Variants in CCDC9B observed in about 807,000 individuals in gnomAD.
CCDC9B encodes coiled-coil domain-containing protein 9B.
A neutral mutation model predicts 47.2 loss-of-function variants in CCDC9B; 40 were observed. That is an observed-to-expected ratio of 0.85 (90% CI 0.66 to 1.10). The LOEUF (loss-of-function observed/expected upper bound fraction) is 1.10, where lower values mean the gene tolerates loss of function less well. Among genes scored for constraint, CCDC9B ranks in the 50% least tolerant of loss-of-function variants. The pLI is 0.00. For synonymous variants in CCDC9B, 238 were observed against 250.7 expected, an observed-to-expected ratio of 0.95 and a Z score of 0.48; for missense variants, 662 against 651.0, an observed-to-expected ratio of 1.02 and a Z score of -0.18.
intron 1 of CCDC9B, chr15:40,340,486 C>A: frequency 4.7e-6 from 2 of 426,990 alleles, no homozygotes; most frequent in Non-Finnish European, 8.4e-6. Flanking sequence ...GGACCCCGCA[C>A]CTAGGCCTGT....
intron 9 of CCDC9B, 25 bp downstream of exon 9, chr15:40,336,549 G>T: frequency 6.2e-7 from 1 of 1,608,088 alleles, no homozygotes; most frequent in Non-Finnish European, 8.5e-7. Flanking sequence ...TGCCCGTCTT[G>T]ATTTTGTCCC....
intron 9 of CCDC9B, 152 bp from the exon 10 acceptor site, chr15:40,335,978 A>G: frequency 6.7e-7 from 1 of 1,490,110 alleles, no homozygotes; most frequent in Non-Finnish European, 8.9e-7. Context: ...GCAGTGGAGA[A>G]ATCCCAGGGG....
rs1279706553 is a variant in CCDC9B at position 40,333,527 on chromosome 15, A to G, written c.*1631T>C. ...GGCTGCAGTGAGCCATGATTGTGCC[A>G]CTGCACTCCAGCCTAGGTGATAACA... On this transcript the variant is annotated 3_prime_UTR_variant, in exon 11 of 11. Transcript: ENST00000397536. 7.1e-6 allele frequency: 1 copy of G among 141,504 alleles called. No individual in the cohort carries two copies. Among genetic ancestry groups the G allele is most frequent in the East Asian group, 2.3e-4 (1 of 4,354 alleles). The allele number at this position is 141,504 out of a possible 1,614,324, so 8.8% of individuals were successfully genotyped here.
In CCDC9B at chr15:40,336,955, G is replaced by A. The variant is rs144651579; in HGVS notation, c.743-142C>T. ...TCCCCAAAAGCGCCCTCGCCTGGGG[G>A]TCAGGAGAATAGGGTCCTGTGCTAG... On this transcript the variant is annotated intron_variant, in intron 7 of 10. Coordinates refer to ENST00000397536, the MANE Select transcript of CCDC9B (RefSeq NM_207380.3). 214 of 738,978 alleles carry A rather than the reference G, an allele frequency of 2.9e-4. No homozygotes were observed. The East Asian group carries it at 5.4e-3, about 19-fold the overall frequency. 45.8% of individuals were successfully genotyped at this position (738,978 alleles called of 1,614,324 possible). A position where few individuals can be genotyped will look rare whatever the true frequency, so the allele number is the denominator to read the frequency against.
rs1889007625 is a variant in CCDC9B, at chr15:40,338,160, G to A, written c.514-267C>T. 19 of 720,492 alleles carry A rather than the reference G, an allele frequency of 2.6e-5. No individual in the cohort carries two copies. The South Asian group carries it at 2.8e-4, about 11-fold the overall frequency. 44.6% of individuals were successfully genotyped at this position (720,492 alleles called of 1,614,324 possible). A position where few individuals can be genotyped will look rare whatever the true frequency, so the allele number is the denominator to read the frequency against. On this transcript the variant is annotated intron_variant, in intron 5 of 10. Transcript: ENST00000397536. ...ACCCACAGGGGTGTTGCAGGGGTAT[G>A]CAGACGGGCCGGAGTGGGAGGGGCC...
In CCDC9B at chr15:40,335,316, C is replaced by T; in HGVS notation, c.1315G>A (p.Gly439Arg). ...QTCPEPQRGA[G>R]LPEPGEDRSG... ...CTGTCTTCTCCGGGCTCTGGGAGCC[C>T]TGCTCCTCTCTGTGGCTCAGGGCAA... The change falls in exon 11 of 11, where the codon GGG becomes AGG. Residue 439 changes from glycine to arginine, a missense_variant. Transcript: ENST00000397536. The T allele has an allele frequency of 6.2e-7, 1 of 1,613,630 alleles. No individual in the cohort carries two copies. The highest frequency in any genetic ancestry group is 8.5e-7 in the Non-Finnish European group (1 of 1,179,862).
In CCDC9B at chr15:40,337,420, C is replaced by G; in HGVS notation, c.710G>C (p.Gly237Ala). 1 of 1,602,124 alleles carries G rather than the reference C, an allele frequency of 6.2e-7. No individual in the cohort carries two copies. Among genetic ancestry groups the G allele is most frequent in the Non-Finnish European group, 8.5e-7 (1 of 1,174,200 alleles). ...GCTGCCTGCCCTGGCCGGGCCTTCT[C>G]CCCTCAGCTGGCTGCAGTCCTGTAG... ...STLQDCSQLR[G>A]EGPARAGSRR... The change falls in exon 7 of 11, where the codon GGA becomes GCA. Residue 237 changes from glycine to alanine, a missense_variant. By Grantham distance (60) the Gly-to-Ala change is moderately conservative. Coordinates refer to ENST00000397536, the MANE Select transcript of CCDC9B (RefSeq NM_207380.3).
intron 5 of CCDC9B, chr15:40,338,203 G>C: frequency 1.4e-6 from 1 of 710,174 alleles, no homozygotes; most frequent in Non-Finnish European, 2.6e-6. Context: ...CTGTGAGCAA[G>C]GGCAAGGACT....
chr15:40,332,602 T>G lies in CCDC9B; in HGVS notation c.*2556A>C, dbSNP rs1888880181. ...CTCTGCCTGCTTCCTACATCCTCAT[T>G]CCAGGGTCAGACGAGCCTGGCATAT... On this transcript the variant is annotated 3_prime_UTR_variant, in exon 11 of 11. Transcript: ENST00000397536. The G allele has an allele frequency of 6.6e-6, 1 of 152,256 alleles. No individual in the cohort carries two copies. The highest frequency in any genetic ancestry group is 6.5e-5 in the Admixed American group (1 of 15,278). 9.4% of individuals were successfully genotyped at this position (152,256 alleles called of 1,614,324 possible). A position where few individuals can be genotyped will look rare whatever the true frequency, so the allele number is the denominator to read the frequency against.
Position 40,338,051 on chromosome 15 carries a change from G to C in CCDC9B, c.514-158C>G, listed in dbSNP as rs763089194. ...CCGTGGAAATGGTTTCCATCCACTTGTTAGCTGTGTGTTTTACATAAGTAA... is the reference window on the plus strand; with the variant it reads ...CCGTGGAAATGGTTTCCATCCACTTCTTAGCTGTGTGTTTTACATAAGTAA... On this transcript the variant is annotated intron_variant, in intron 5 of 10. Coordinates refer to ENST00000397536, the MANE Select transcript of CCDC9B (RefSeq NM_207380.3). 2.1e-5 allele frequency: 16 copies of C among 765,166 alleles called. 1 individual carries two copies. The South Asian group carries it at 2.2e-4, about 10-fold the overall frequency. 47.4% of individuals were successfully genotyped at this position (765,166 alleles called of 1,614,324 possible).
intron 8 of CCDC9B, 46 bp from the exon 9 acceptor site, chr15:40,336,710 G>C (rs746074054): frequency 1.2e-6 from 2 of 1,601,780 alleles, no homozygotes; most frequent in Admixed American, 1.7e-5. Flanking sequence ...CATAGCAGCC[G>C]GCTCCATCTT....
At position 40,335,772 on chromosome 15, in the gene CCDC9B, C is replaced by T. The variant is rs1266248771; in HGVS notation, c.930+12G>A. On this transcript the variant is annotated intron_variant, in intron 10 of 10. Transcript: ENST00000397536. Reference sequence around the variant, plus strand: ...GTCCCCAGCCTGCCCCATCCTATACCCAAGTACCTACCTCCTGACCTTCCA... The same window carrying T: ...GTCCCCAGCCTGCCCCATCCTATACTCAAGTACCTACCTCCTGACCTTCCA... 1.2e-6 allele frequency: 2 copies of T among 1,609,858 alleles called. No homozygotes were observed. Among genetic ancestry groups the T allele is most frequent in the Admixed American group, 1.7e-5 (1 of 59,434 alleles).
At chr15:40,340,660 G>C (rs891135708) in intron 1 of CCDC9B, 148 bp downstream of exon 1, 5 of 711,802 alleles carry the variant, frequency 7.0e-6, no homozygotes, top group African/African-American at 1.8e-5. Flanking sequence ...CTCTCTGTCT[G>C]GATGCAGGTT....
intron 3 of CCDC9B, 183 bp downstream of exon 3, chr15:40,339,329 G>A (rs966352950): frequency 4.8e-6 from 3 of 626,414 alleles, no homozygotes; most frequent in South Asian, 1.9e-5. Flanking sequence ...CTGGGGGTAG[G>A]GGGGCTTTCA....
rs1294207994 is a variant in CCDC9B at position 40,335,372 on chromosome 15, C to A, written c.1259G>T (p.Ser420Ile). 1 of 1,613,364 alleles carries A rather than the reference C, an allele frequency of 6.2e-7. No individual in the cohort carries two copies. Among genetic ancestry groups the A allele is most frequent in the South Asian group, 1.1e-5 (1 of 91,090 alleles). Residue 420 changes from serine (S) to isoleucine (I), a missense_variant, in exon 11 of 11, where the codon AGC (serine) becomes ATC (isoleucine). Transcript: ENST00000397536. ...EGSKQQPLGW[S>I]NHQAELEVQT... Reference sequence around the variant, plus strand: ...TACTTCCAGCTCAGCCTGGTGATTGCTCCACCCCAGGGGCTGCTGCTTAGA... The same window carrying A: ...TACTTCCAGCTCAGCCTGGTGATTGATCCACCCCAGGGGCTGCTGCTTAGA...
rs954508990 is a variant in CCDC9B, at chr15:40,338,852, C to T, written c.283G>A (p.Val95Met). The T allele has an allele frequency of 1.2e-6, 2 of 1,614,224 alleles. No homozygotes were observed. Among genetic ancestry groups the T allele is most frequent in the Non-Finnish European group, 8.5e-7 (1 of 1,180,024 alleles). The change falls in exon 4 of 11, where the codon GTG (valine) becomes ATG (methionine). Residue 95 changes from valine to methionine, a missense_variant. Val to Met is a conservative substitution (Grantham distance 21). Coordinates refer to ENST00000397536, the MANE Select transcript of CCDC9B (RefSeq NM_207380.3). The stretch of plus-strand genomic sequence containing the variant: ...TCATCCTCAAGCATCTCGTTGGTCA[C>T]TCTGGGTCCACAGGTACCCCTTGCC... ...NWARGTCGPR[V>M]TNEMLEDEDA...
In CCDC9B at chr15:40,333,758, C is replaced by T. The variant is rs114599331; in HGVS notation, c.*1400G>A. 8.6e-3 allele frequency: 5,720 copies of T among 661,878 alleles called. 117 individuals are homozygous for T. Among genetic ancestry groups the T allele is most frequent in the South Asian group, 0.076 (1,073 of 14,054 alleles). The allele number at this position is 661,878 out of a possible 1,614,324, so 41.0% of individuals were successfully genotyped here. A position where few individuals can be genotyped will look rare whatever the true frequency, so the allele number is the denominator to read the frequency against. ...CAGTGAGGAAGGCTGAGCTGGGACC[C>T]CACAGTTTAGGCTTCACATTGGGCA... is the stretch of plus-strand genomic sequence containing the variant. On this transcript the variant is annotated 3_prime_UTR_variant, in exon 11 of 11. Coordinates refer to ENST00000397536, the MANE Select transcript of CCDC9B (RefSeq NM_207380.3).
rs1331336669 is a variant in CCDC9B at position 40,333,184 on chromosome 15, C to T, written c.*1974G>A. ...TAGAGTCTAGAGTCTGTCTTCACCC[C>T]CAGCCCTTCATATATTCTAGTCCAA... On this transcript the variant is annotated 3_prime_UTR_variant, in exon 11 of 11. Coordinates refer to ENST00000397536, the MANE Select transcript of CCDC9B (RefSeq NM_207380.3). The T allele has an allele frequency of 1.3e-5, 2 of 152,224 alleles. No homozygotes were observed. The highest frequency in any genetic ancestry group is 4.8e-5 in the African/African-American group (2 of 41,428). The allele number at this position is 152,224 out of a possible 1,614,324, so 9.4% of individuals were successfully genotyped here.
chr15:40,340,180 C>A, intron 1 of CCDC9B, 165 bp from the exon 2 acceptor site: 1 of 606,306 alleles, frequency 1.6e-6, no homozygotes, highest in Non-Finnish European at 2.9e-6. Context: ...GGCCCCAAGC[C>A]CCCATTCCAG....
Sources: allele counts gnomAD v4.1 joint callset, GRCh38; gene constraint gnomAD v4.1.1; transcripts MANE v1.5; gene names NCBI Gene and HGNC (gene_info 2026-07-23, HGNC 2026-07-21).